Variants in DERPC observed in about 807,000 individuals in gnomAD.
DERPC encodes the protein decreased expression in renal and prostate cancer protein.
A neutral mutation model predicts 7.2 loss-of-function variants in DERPC; 1 was observed. That is an observed-to-expected ratio of 0.14 (90% CI 0.05 to 0.66). DERPC has a LOEUF of 0.66. Ranked by LOEUF, DERPC falls within the 30% of genes least tolerant of loss-of-function variation. The probability of loss-of-function intolerance (pLI) is 0.84; values close to 1 mark genes in which losing one functional copy is unlikely to be tolerated. For synonymous variants in DERPC, 185 were observed against 117.6 expected (o/e 1.57, Z -3.71); for missense variants, 502 against 299.4 (o/e 1.68, Z -4.99).
At chr16:69,126,871 A>AG (rs1039593472) in intron 1 of DERPC, among the ~76,000 whole-genome samples, 2 of 152,154 alleles carry the variant, frequency 1.3e-5, no homozygotes, top group African/African-American at 4.8e-5. Context: ...CACAGTAGGT[A>AG]GGGATTCCTG....
At position 69,119,318 on chromosome 16, in the gene DERPC, A is replaced by G. The variant is rs776404034; in HGVS notation, c.1111T>C (p.Phe371Leu). Residue 371 changes from phenylalanine to leucine, a missense_variant, in exon 3 of 3, where the codon TTT becomes CTT. Phe to Leu is a conservative substitution (Grantham distance 22). Coordinates refer to ENST00000519520, the MANE Select transcript of DERPC (RefSeq NM_001002847.4). ...PFPRGAGSSA[F>L]SQSSGTLASN... ...GCCAATGTGCCAGAAGACTGAGAAA[A>G]GGCAGATGAACCTGCTCCCCTGGGA... is the stretch of plus-strand genomic sequence containing the variant. 1.4e-5 allele frequency: 10 copies of G among 703,002 alleles called. No homozygotes were observed. In the South Asian group the frequency reaches 1.5e-4, roughly 10 times the overall value. The allele number at this position is 703,002 out of a possible 1,614,324, so 43.5% of individuals were successfully genotyped here.
chr16:69,123,925 TA>T (rs757493986), intron 1 of DERPC, among the ~76,000 whole-genome samples: 1,944 of 76,954 alleles, frequency 0.025, 23 homozygotes, highest in African/African-American at 0.086. Context: ...CCATCTCTAC[TA>T]AAAAAAAAAA....
intron 1 of DERPC, among the ~76,000 whole-genome samples, chr16:69,123,925 TAAA>T (rs757493986): frequency 2.6e-5 from 2 of 76,962 alleles, no homozygotes; most frequent in Non-Finnish European, 2.5e-5. Flanking sequence ...CCATCTCTAC[TAAA>T]AAAAAAAAAA....
chr16:69,119,104 G>A lies in DERPC; in HGVS notation c.1325C>T (p.Pro442Leu), dbSNP rs542501810. The change falls in exon 3 of 3, where the codon CCC becomes CTC. Residue 442 changes from proline (P) to leucine (L), a missense_variant. Transcript: ENST00000519520. ...GCCCAGATGCCCGGCAGCTGGCCTGGGGAAAGTAACTTGACCAGGGCCTAA... is the reference window on the plus strand; with the variant it reads ...GCCCAGATGCCCGGCAGCTGGCCTGAGGAAAGTAACTTGACCAGGGCCTAA... ...GPLGPGQVTF[P>L]RPAAGHLGPS... is the part of the protein sequence containing the mutation. 2 of 702,930 alleles carry A rather than the reference G, an allele frequency of 2.8e-6. No homozygotes were observed. Among genetic ancestry groups the A allele is most frequent in the Admixed American group, 2.0e-5 (1 of 50,008 alleles). 43.5% of individuals were successfully genotyped at this position (702,930 alleles called of 1,614,324 possible).
intron 1 of DERPC, among the ~76,000 whole-genome samples, chr16:69,121,964 C>T (rs936148994): frequency 4.0e-5 from 6 of 149,394 alleles, no homozygotes; most frequent in Admixed American, 6.7e-5. Flanking sequence ...CCACCGCGCC[C>T]GGCCCTAGAG....
At chr16:69,122,762 G>C (rs1461637949) in intron 1 of DERPC, among the ~76,000 whole-genome samples, 2 of 151,500 alleles carry the variant, frequency 1.3e-5, no homozygotes, top group Non-Finnish European at 2.9e-5. Flanking sequence ...GGCTGGTCTC[G>C]AACTCCTGAC....
intron 1 of DERPC, among the ~76,000 whole-genome samples, chr16:69,128,745 T>C (rs1962273342): frequency 6.6e-6 from 1 of 151,386 alleles, no homozygotes; most frequent in Admixed American, 6.6e-5. Flanking sequence ...TTGGCTTCTC[T>C]CTCTCTTTTG....
At chr16:69,128,243 A>G (rs1015285610) in intron 1 of DERPC, among the ~76,000 whole-genome samples, 2 of 152,210 alleles carry the variant, frequency 1.3e-5, no homozygotes, top group African/African-American at 4.8e-5. Flanking sequence ...GTTCAACCCC[A>G]GATTTGGCTA....
In DERPC at chr16:69,120,045, G is replaced by A; in HGVS notation, c.384C>T (p.Thr128=). ...LLGPGPGPGP[T]LNPRTGALPG... is the part of the protein sequence containing the mutation. ...GCAGAGCCCCTGTCCTAGGGTTTAG[G>A]GTGGGGCCTGGGCCTGGGCCTGGCC... The change falls in exon 3 of 3, where the codon ACC becomes ACT. Residue 128 remains threonine, a synonymous_variant. Coordinates refer to ENST00000519520, the MANE Select transcript of DERPC (RefSeq NM_001002847.4). This position sits in a 1 kb window ranked among gnomAD's most constrained non-coding sequence, Gnocchi z 4.0. The A allele has an allele frequency of 1.4e-6, 1 of 689,812 alleles. No individual in the cohort carries two copies. 42.7% of individuals were successfully genotyped at this position (689,812 alleles called of 1,614,324 possible).
rs1961490128 is a variant in DERPC, at chr16:69,119,836, G to A, written c.593C>T (p.Pro198Leu). 1 of 701,154 alleles carries A rather than the reference G, an allele frequency of 1.4e-6. No individual in the cohort carries two copies. Among genetic ancestry groups the A allele is most frequent in the South Asian group, 1.5e-5 (1 of 67,526 alleles). 43.4% of individuals were successfully genotyped at this position (701,154 alleles called of 1,614,324 possible). A position where few individuals can be genotyped will look rare whatever the true frequency, so the allele number is the denominator to read the frequency against. ...GCCCAGGCCAACTGGCCTAGGATTG[G>A]GAGGACCATTCCCAGAGGTTAACAG... ...GVLLTSGNGP[P>L]NPRPVGLGPG... Residue 198 changes from proline to leucine, a missense_variant, in exon 3 of 3, where the codon CCC becomes CTC. Transcript: ENST00000519520.
chr16:69,126,700 G>C (rs909248526), intron 1 of DERPC, among the ~76,000 whole-genome samples: 7 of 152,200 alleles, frequency 4.6e-5, no homozygotes, highest in African/African-American at 1.7e-4. Context: ...TAATTTATAC[G>C]CACGTGGGTG....
At chr16:69,131,067 T>A (rs1207749737) in intron 1 of DERPC, among the ~76,000 whole-genome samples, 2 of 152,248 alleles carry the variant, frequency 1.3e-5, no homozygotes, top group East Asian at 3.8e-4. Flanking sequence ...GGTCTATACT[T>A]TTGAAGGGGA....
At position 69,132,570 on chromosome 16, in the gene DERPC, T is replaced by G. The variant is rs1037675503; in HGVS notation, c.-366A>C. 2 of 399,904 alleles carry G rather than the reference T, an allele frequency of 5.0e-6. No homozygotes were observed. The highest frequency in any genetic ancestry group is 4.9e-6 in the Non-Finnish European group (1 of 203,384). 24.8% of individuals were successfully genotyped at this position (399,904 alleles called of 1,614,324 possible). The stretch of plus-strand genomic sequence containing the variant: ...CCGCCGTCGCCGCCGCCGCGAGCAC[T>G]GCCTGCGCACTTCCGACTATGCGCC... On this transcript the variant is annotated 5_prime_UTR_variant, in exon 1 of 3. Coordinates refer to ENST00000519520, the MANE Select transcript of DERPC (RefSeq NM_001002847.4).
At chr16:69,125,624 GCA>G (rs1962007855) in intron 1 of DERPC, among the ~76,000 whole-genome samples, 1 of 152,224 alleles carries the variant, frequency 6.6e-6, no homozygotes, top group Non-Finnish European at 1.5e-5. Flanking sequence ...TTCTGCACCA[GCA>G]CAGATTGTGG....
chr16:69,129,515 G>A (rs1407327212), intron 1 of DERPC, among the ~76,000 whole-genome samples: 1 of 151,102 alleles, frequency 6.6e-6, no homozygotes, highest in Non-Finnish European at 1.5e-5. Flanking sequence ...TTTCTCACAA[G>A]CTAGCCTCGT....
chr16:69,130,945 A>G (rs1962457068), intron 1 of DERPC, among the ~76,000 whole-genome samples: 1 of 152,216 alleles, frequency 6.6e-6, no homozygotes, highest in African/African-American at 2.4e-5. Context: ...TATGATGACT[A>G]TGTCTCTATG....
At chr16:69,122,253 A>C (rs1961727308) in intron 1 of DERPC, among the ~76,000 whole-genome samples, 1 of 152,232 alleles carries the variant, frequency 6.6e-6, no homozygotes, top group Non-Finnish European at 1.5e-5. Flanking sequence ...TGTATGTGCA[A>C]AACTAATTAA....
rs1597109622 is a variant in DERPC, at chr16:69,120,951, A to T, written c.-221-302T>A. 1 of 990,676 alleles carries T rather than the reference A, an allele frequency of 1.0e-6. No homozygotes were observed. The highest frequency in any genetic ancestry group is 2.4e-5 in the East Asian group (1 of 42,106). 61.4% of individuals were successfully genotyped at this position (990,676 alleles called of 1,614,324 possible). On this transcript the variant is annotated intron_variant, in intron 2 of 2. Transcript: ENST00000519520. This position sits in a 1 kb window ranked among gnomAD's most constrained non-coding sequence, Gnocchi z 4.0. ...AGCATCGCAGATTAGCTAGGCCTTG[A>T]ATAACAAACCTGAGGCAGTCCTCAC...
rs926016392 is a variant in DERPC at position 69,119,790 on chromosome 16, C to G, written c.639G>C (p.Leu213=). ...VGLGPGPNPN[L]RSGFLGTNPA... The stretch of plus-strand genomic sequence containing the variant: ...GGTTTGTCCCTAAAAAGCCTGATCT[C>G]AGATTGGGGTTTGGTCCTGGGCCCA... The change falls in exon 3 of 3, where the codon CTG becomes CTC. Residue 213 remains leucine (L), a synonymous_variant. Coordinates refer to ENST00000519520, the MANE Select transcript of DERPC (RefSeq NM_001002847.4). The G allele has an allele frequency of 4.3e-6, 3 of 700,166 alleles. No homozygotes were observed. Among genetic ancestry groups the G allele is most frequent in the Admixed American group, 2.0e-5 (1 of 49,966 alleles). The allele number at this position is 700,166 out of a possible 1,614,324, so 43.4% of individuals were successfully genotyped here. A position where few individuals can be genotyped will look rare whatever the true frequency, so the allele number is the denominator to read the frequency against.
Sources: allele counts gnomAD v4.1 joint callset (sites outside exome capture counted in the v4.1 genomes callset), GRCh38; gene constraint gnomAD v4.1.1; non-coding constraint Gnocchi (gnomAD v3.1); transcripts MANE v1.5; gene names NCBI Gene and HGNC (gene_info 2026-07-23, HGNC 2026-07-21).